ROBO1: variants seen among roughly 807,000 people sequenced by gnomAD.
ROBO1 encodes roundabout homolog 1.
A neutral mutation model predicts 195.9 loss-of-function variants in ROBO1; 149 were observed. The ratio of observed to expected loss-of-function variants is 0.76; its 90% CI spans 0.67 to 0.87. The LOEUF is 0.87. Ranked by LOEUF, ROBO1 falls within the 40% of genes least tolerant of loss-of-function variation. The probability of loss-of-function intolerance (pLI) is 0.00; values close to 1 mark genes in which losing one functional copy is unlikely to be tolerated. For synonymous variants in ROBO1, 816 were observed against 733.2 expected, an observed-to-expected ratio of 1.11 and a Z score of -1.82; for missense variants, 1,933 against 2,068.3, an observed-to-expected ratio of 0.93 and a Z score of 1.27.
At chr3:78,849,868 A>ACACT (rs2033937117) in intron 4 of ROBO1, among the ~76,000 whole-genome samples, 2 of 151,196 alleles carry the variant, frequency 1.3e-5, no homozygotes, top group South Asian at 4.2e-4. Flanking sequence ...ACACACACAC[A>ACACT]CACTCTTATA....
chr3:78,956,086 C>A (rs2107801459), intron 3 of ROBO1, among the ~76,000 whole-genome samples: 1 of 152,144 alleles, frequency 6.6e-6, no homozygotes, highest in Non-Finnish European at 1.5e-5. Flanking sequence ...AAAGGTATTC[C>A]AAATGTTAAT....
intron 2 of ROBO1, among the ~76,000 whole-genome samples, chr3:79,381,355 CAAAAAAAAAAAAA>C (rs61680946): frequency 1.6e-5 from 1 of 60,714 alleles, no homozygotes; most frequent in Non-Finnish European, 2.9e-5. Flanking sequence ...AACTCCGTCT[CAAAAAAAAAAAAA>C]AAAAAAAAAG....
intron 24 of ROBO1, among the ~76,000 whole-genome samples, chr3:78,632,414 A>G (rs1705237816): frequency 6.6e-6 from 1 of 152,184 alleles, no homozygotes; most frequent in Non-Finnish European, 1.5e-5. Flanking sequence ...TCCTATGTGT[A>G]TGTCTCTCAC....
intron 4 of ROBO1, among the ~76,000 whole-genome samples, chr3:78,824,663 T>C (rs1419592567): frequency 1.3e-5 from 2 of 152,170 alleles, no homozygotes; most frequent in Admixed American, 6.5e-5. Context: ...AAAATAACTT[T>C]GGGCAAATTA....
At chr3:78,675,710 C>G (rs574063569) in intron 10 of ROBO1, among the ~76,000 whole-genome samples, 1 of 152,166 alleles carries the variant, frequency 6.6e-6, no homozygotes, top group Non-Finnish European at 1.5e-5. Flanking sequence ...CTCAAGGAGG[C>G]CTGCCTGCCT....
chr3:79,172,701 TACTGTGTCTACCCTGAGC>T, intron 2 of ROBO1, among the ~76,000 whole-genome samples: 1 of 152,278 alleles, frequency 6.6e-6, no homozygotes, highest in East Asian at 1.9e-4. Flanking sequence ...TATTCCCTTC[TACTGTGTCTACCCTGAGC>T]ACTGCATTAT....
intron 3 of ROBO1, among the ~76,000 whole-genome samples, chr3:79,020,517 C>A (rs2078077128): frequency 6.6e-6 from 1 of 152,012 alleles, no homozygotes; most frequent in Admixed American, 6.5e-5. Context: ...TATGGTGAAA[C>A]CCCGTCTCTA....
At chr3:79,037,637 A>C (rs2078404520) in intron 3 of ROBO1, among the ~76,000 whole-genome samples, 1 of 152,186 alleles carries the variant, frequency 6.6e-6, no homozygotes. Context: ...TCGGCTCTTA[A>C]TGTGCAAAAG....
At chr3:79,375,479 T>G (rs559319116) in intron 2 of ROBO1, among the ~76,000 whole-genome samples, 25 of 152,114 alleles carry the variant, frequency 1.6e-4, no homozygotes, top group Non-Finnish European at 2.9e-4. Context: ...GTAAGGAAAA[T>G]ATCTGTGTGT....
chr3:79,440,211 C>T (rs1166323298), intron 2 of ROBO1, among the ~76,000 whole-genome samples: 1 of 151,998 alleles, frequency 6.6e-6, no homozygotes, highest in African/African-American at 2.4e-5. Context: ...GTTTAAAGTA[C>T]AATAAACTTT....
intron 25 of ROBO1, among the ~76,000 whole-genome samples, chr3:78,630,811 T>C (rs1223236226): frequency 2.0e-5 from 3 of 152,192 alleles, no homozygotes; most frequent in African/African-American, 7.2e-5. Flanking sequence ...CACGATTATC[T>C]TTCAAAAATT....
intron 3 of ROBO1, among the ~76,000 whole-genome samples, chr3:79,076,678 A>C (rs2079179381): frequency 6.6e-6 from 1 of 151,734 alleles, no homozygotes; most frequent in South Asian, 2.1e-4. Context: ...ATGAGAGTCA[A>C]ATGGTAGAAT....
intron 4 of ROBO1, among the ~76,000 whole-genome samples, chr3:78,767,199 ATTC>A (rs1362647089): frequency 7.9e-5 from 12 of 151,394 alleles, no homozygotes; most frequent in African/African-American, 2.2e-4. Flanking sequence ...ATTGGTACCA[ATTC>A]TTCTTTAAAT....
intron 2 of ROBO1, among the ~76,000 whole-genome samples, chr3:79,269,985 T>C (rs957370255): frequency 2.0e-5 from 3 of 151,818 alleles, no homozygotes; most frequent in African/African-American, 7.2e-5. Context: ...TGAAAATCAC[T>C]TGCAGTAAAG....
At position 79,122,633 on chromosome 3, in the gene ROBO1, G is replaced by A. The variant is rs570598583; in HGVS notation, c.172+2823C>T. The stretch of plus-strand genomic sequence containing the variant: ...TATGATATGAGATCCATGCACTCTC[G>A]TTAAATGGGTCAGTTTGATAGTGAT... On this transcript the variant is annotated intron_variant, in intron 3 of 30. Coordinates refer to ENST00000464233, the MANE Select transcript of ROBO1 (RefSeq NM_002941.4). Among the ~76,000 whole-genome samples, 8 of 152,006 alleles carry A rather than the reference G, an allele frequency of 5.3e-5. No homozygotes were observed. In the South Asian group the frequency reaches 6.2e-4, roughly 12 times the overall value.
At chr3:79,677,026 A>T (rs1946803344) in intron 1 of ROBO1, among the ~76,000 whole-genome samples, 1 of 152,052 alleles carries the variant, frequency 6.6e-6, no homozygotes, top group Non-Finnish European at 1.5e-5. Context: ...TTTGTTCCAG[A>T]TGGAATACTG....
intron 3 of ROBO1, among the ~76,000 whole-genome samples, chr3:79,009,806 C>T (rs879535689): frequency 1.4e-4 from 22 of 152,200 alleles, no homozygotes; most frequent in Non-Finnish European, 3.1e-4. Flanking sequence ...CATCTTATCA[C>T]CATTTATTAT....
At chr3:78,964,031 G>A (rs2041543658) in intron 3 of ROBO1, among the ~76,000 whole-genome samples, 1 of 152,098 alleles carries the variant, frequency 6.6e-6, no homozygotes, top group South Asian at 2.1e-4. Flanking sequence ...GGCAGTGAGG[G>A]AGAATTTGCT....
intron 2 of ROBO1, among the ~76,000 whole-genome samples, chr3:79,522,979 A>G (rs1285934667): frequency 2.6e-5 from 4 of 152,206 alleles, no homozygotes; most frequent in African/African-American, 7.2e-5. Context: ...TTTGAATTAG[A>G]CAAAGCATTT....
Sources: allele counts gnomAD v4.1 joint callset (sites outside exome capture counted in the v4.1 genomes callset), GRCh38; gene constraint gnomAD v4.1.1; transcripts MANE v1.5; gene names NCBI Gene and HGNC (gene_info 2026-07-23, HGNC 2026-07-21).